The following TMEM50B variants were observed in gnomAD, a reference collection of about 807,000 sequenced individuals.
The protein encoded by TMEM50B is transmembrane protein 50B, also known as HCV p7-trans-regulated protein 3.
TMEM50B carries 14 observed loss-of-function variants against 23.4 expected under a neutral mutation model. The observed-to-expected ratio is 0.60, with a 90% CI of 0.39 to 0.93. The LOEUF is 0.93. Among genes scored for constraint, TMEM50B ranks in the 40% least tolerant of loss-of-function variants. The probability of loss-of-function intolerance (pLI) is 0.00; values close to 1 mark genes in which losing one functional copy is unlikely to be tolerated. For missense variants in TMEM50B, 159 were observed against 193.0 expected (o/e 0.82, Z 1.04); for synonymous variants, 64 against 62.3 (o/e 1.03, Z -0.13).
At chr21:33,462,572 T>G (rs2084226492) in intron 4 of TMEM50B, among the ~76,000 whole-genome samples, 1 of 152,126 alleles carries the variant, frequency 6.6e-6, no homozygotes, top group South Asian at 2.1e-4. Flanking sequence ...CTCTGGAGGC[T>G]GAGAGGGGAG....
chr21:33,450,633 T>C lies in TMEM50B; in HGVS notation c.*185A>G. On this transcript the variant is annotated 3_prime_UTR_variant, in exon 7 of 7. Coordinates refer to ENST00000542230, the MANE Select transcript of TMEM50B (RefSeq NM_006134.7). ...ATATAGTCTTGTATTATATACATAT[T>C]AACAGTCTATGCAATGAAAAATAAA... 1 of 541,810 alleles carries C rather than the reference T, an allele frequency of 1.8e-6. No individual in the cohort carries two copies. The highest frequency in any genetic ancestry group is 3.4e-6 in the Non-Finnish European group (1 of 298,028). The allele number at this position is 541,810 out of a possible 1,614,324, so 33.6% of individuals were successfully genotyped here. A position where few individuals can be genotyped will look rare whatever the true frequency, so the allele number is the denominator to read the frequency against.
Position 33,455,707 on chromosome 21 carries a change from T to TA in TMEM50B, c.431+19dup, listed in dbSNP as rs753833038. 15 of 1,604,528 alleles carry TA rather than the reference T, an allele frequency of 9.3e-6. No individual in the cohort carries two copies. The highest frequency in any genetic ancestry group is 1.3e-5 in the Non-Finnish European group (15 of 1,171,646). On this transcript the variant is annotated intron_variant, in intron 6 of 6. Coordinates refer to ENST00000542230, the MANE Select transcript of TMEM50B (RefSeq NM_006134.7). Reference sequence around the variant, plus strand: ...TTTCTGTAAATGTTACAGGCGTGGTTAAAAAATAAGGCAACTTACCTAAAA... The same window carrying TA: ...TTTCTGTAAATGTTACAGGCGTGGTTAAAAAAATAAGGCAACTTACCTAAAA...
At chr21:33,438,413 T>TTAA (rs1268092519) in intron 8 of TMEM50B, among the ~76,000 whole-genome samples, 1 of 152,218 alleles carries the variant, frequency 6.6e-6, no homozygotes, top group Non-Finnish European at 1.5e-5. Flanking sequence ...AATTAACTGA[T>TTAA]TAATCAATAG....
chr21:33,477,235 C>T (rs1339437129), intron 1 of TMEM50B, among the ~76,000 whole-genome samples: 1 of 151,990 alleles, frequency 6.6e-6, no homozygotes, highest in African/African-American at 2.4e-5. Flanking sequence ...TGCAGCAAGC[C>T]GTGAGGGAAC....
rs2084102178 is a variant in TMEM50B, at chr21:33,449,940, C to A, written c.*878G>T. 1 of 152,596 alleles carries A rather than the reference C, an allele frequency of 6.6e-6. No individual in the cohort carries two copies. Among genetic ancestry groups the A allele is most frequent in the Admixed American group, 6.5e-5 (1 of 15,268 alleles). The allele number at this position is 152,596 out of a possible 1,614,324, so 9.5% of individuals were successfully genotyped here. On this transcript the variant is annotated 3_prime_UTR_variant, in exon 7 of 7. Transcript: ENST00000542230. ...CTGAGTTTATTTGATCATGTATTAT[C>A]CCTTCTCACATAAAGTCATATTAGA...
intron 6 of TMEM50B, among the ~76,000 whole-genome samples, chr21:33,455,114 C>A (rs9974084): frequency 0.77 from 117,248 of 151,882 alleles, 45,792 homozygotes; most frequent in East Asian, 0.98. Context: ...GTGAGACTCC[C>A]TCGCAAAAAA....
At chr21:33,445,120 A>G (rs1281640620), downstream of TMEM50B, among the ~76,000 whole-genome samples, 1 of 151,710 alleles carries the variant, frequency 6.6e-6, no homozygotes, top group East Asian at 1.9e-4. Flanking sequence ...TGCTGCTGGA[A>G]AAGAGCACAA....
intron 1 of TMEM50B, among the ~76,000 whole-genome samples, chr21:33,474,282 CT>C (rs2084345856): frequency 6.6e-6 from 1 of 152,022 alleles, no homozygotes; most frequent in African/African-American, 2.4e-5. Flanking sequence ...AGCGATCTGC[CT>C]GCCTCAGCCT....
chr21:33,477,401 T>G (rs2084383597), intron 1 of TMEM50B, among the ~76,000 whole-genome samples: 1 of 152,092 alleles, frequency 6.6e-6, no homozygotes, highest in African/African-American at 2.4e-5. Flanking sequence ...AATACCCTCC[T>G]AGGGAATGGA....
chr21:33,468,812 A>G lies in TMEM50B; in HGVS notation c.74T>C (p.Val25Ala). 1 of 1,614,030 alleles carries G rather than the reference A, an allele frequency of 6.2e-7. No individual in the cohort carries two copies. The highest frequency in any genetic ancestry group is 8.5e-7 in the Non-Finnish European group (1 of 1,179,970). Residue 25 changes from valine (V) to alanine (A), a missense_variant, in exon 2 of 7, where the codon GTG becomes GCG. By Grantham distance (64) the Val-to-Ala change is moderately conservative (BLOSUM62 0). Transcript: ENST00000542230. ...CIDWSERRNAVASVVAGILFF... is the reference protein window; with the variant it reads ...CIDWSERRNAAASVVAGILFF... ...CAATATACCTGCGACAACAGATGCC[A>G]CAGCATTTCTTCTCTCACTCCAGTC...
chr21:33,472,018 C>A (rs1428754708), intron 1 of TMEM50B, among the ~76,000 whole-genome samples: 8 of 131,242 alleles, frequency 6.1e-5, no homozygotes, highest in Non-Finnish European at 9.7e-5. Flanking sequence ...GGCAACAGAG[C>A]GAGACTCCCC....
At chr21:33,437,980 C>G (rs1316964251) in intron 8 of TMEM50B, among the ~76,000 whole-genome samples, 1 of 137,186 alleles carries the variant, frequency 7.3e-6, no homozygotes, top group East Asian at 2.0e-4. Context: ...GAGACCCTAT[C>G]TCAAAAAAAA....
At chr21:33,475,175 C>T (rs2084356911) in intron 1 of TMEM50B, among the ~76,000 whole-genome samples, 1 of 151,960 alleles carries the variant, frequency 6.6e-6, no homozygotes, top group South Asian at 2.1e-4. Flanking sequence ...ATCTGCCTGT[C>T]TCAGCCTCCC....
In TMEM50B at chr21:33,443,589, C is replaced by T. The variant is rs1601105732; in HGVS notation, c.*2037-4292G>A. Among the ~76,000 whole-genome samples, 5 of 152,324 alleles carry T rather than the reference C, an allele frequency of 3.3e-5. 1 individual carries two copies. The highest frequency in any genetic ancestry group is 3.3e-4 in the Admixed American group (5 of 15,308). On this transcript the variant is annotated intron_variant and NMD_transcript_variant, in intron 7 of 8. Transcript: ENST00000420455. ...ACTGCAGGGATATGACGACTAAATG[C>T]AACGTGTGACCATGGGCAGGATCCT... is the stretch of plus-strand genomic sequence containing the variant.
At chr21:33,448,140 T>C (rs2084082864), downstream of TMEM50B, among the ~76,000 whole-genome samples, 1 of 151,476 alleles carries the variant, frequency 6.6e-6, no homozygotes, top group Admixed American at 6.6e-5. Flanking sequence ...ATTACAGGGG[T>C]GCACCACCAC....
intron 4 of TMEM50B, among the ~76,000 whole-genome samples, chr21:33,462,644 C>T (rs143005207): frequency 2.0e-4 from 31 of 152,104 alleles, no homozygotes; most frequent in African/African-American, 6.5e-4. Context: ...TGCACTCTAG[C>T]CTGGGAGACA....
chr21:33,433,959 T>A (rs1366912537), intron 8 of TMEM50B, among the ~76,000 whole-genome samples: 1 of 151,996 alleles, frequency 6.6e-6, no homozygotes, highest in Non-Finnish European at 1.5e-5. Context: ...ATCAGGAGCT[T>A]GAGCTTTGGG....
At chr21:33,479,599 G>A (rs1454048407) in intron 1 of TMEM50B, among the ~76,000 whole-genome samples, 2 of 152,218 alleles carry the variant, frequency 1.3e-5, no homozygotes, top group East Asian at 1.9e-4. Flanking sequence ...GGTCGCGGCG[G>A]CGCCACGGTC....
chr21:33,459,684 A>AT (rs2084200976), intron 5 of TMEM50B, among the ~76,000 whole-genome samples: 1 of 151,334 alleles, frequency 6.6e-6, no homozygotes, highest in African/African-American at 2.4e-5. Flanking sequence ...AAAAAAAAAA[A>AT]TTACAGGATT....
Sources: allele counts gnomAD v4.1 joint callset (sites outside exome capture counted in the v4.1 genomes callset), GRCh38; gene constraint gnomAD v4.1.1; transcripts MANE v1.5; gene names NCBI Gene and HGNC (gene_info 2026-07-23, HGNC 2026-07-21).